ZCCHC14: variants seen among roughly 807,000 people sequenced by gnomAD.
ZCCHC14 encodes the protein zinc finger CCHC-type containing 14, also known as zinc finger CCHC domain-containing protein 14.
ZCCHC14 carries 16 observed loss-of-function variants against 85.0 expected under a neutral mutation model. The observed-to-expected ratio is 0.19, with a 90% CI of 0.13 to 0.29. ZCCHC14 has a LOEUF of 0.29. Among genes scored for constraint, ZCCHC14 ranks in the 10% least tolerant of loss-of-function variants. The pLI, the probability that ZCCHC14 is intolerant of heterozygous loss-of-function variation, is 1.00. For synonymous variants in ZCCHC14, 775 were observed against 630.7 expected (o/e 1.23, Z -3.43); for missense variants, 1,303 against 1,443.5 (o/e 0.90, Z 1.58).
chr16:87,419,018 G>A lies in ZCCHC14; in HGVS notation c.1046-117C>T. On this transcript the variant is annotated intron_variant, in intron 6 of 12. Transcript: ENST00000671377. ...GTTGCCCAGGCTGGAGAGCAATGGT[G>A]CGATCTCGGCTCACTGCAACCTCTG... 4.3e-6 allele frequency: 4 copies of A among 930,296 alleles called. No individual in the cohort carries two copies. The South Asian group carries it at 4.8e-5, about 11-fold the overall frequency. 57.6% of individuals were successfully genotyped at this position (930,296 alleles called of 1,614,324 possible).
rs1313974309 is a variant in ZCCHC14 at position 87,409,498 on chromosome 16, C to T, written c.*782G>A. The T allele has an allele frequency of 1.3e-5, 2 of 152,272 alleles. No individual in the cohort carries two copies. The highest frequency in any genetic ancestry group is 2.9e-5 in the Non-Finnish European group (2 of 68,054). The allele number at this position is 152,272 out of a possible 1,614,324, so 9.4% of individuals were successfully genotyped here. A position where few individuals can be genotyped will look rare whatever the true frequency, so the allele number is the denominator to read the frequency against. On this transcript the variant is annotated 3_prime_UTR_variant, in exon 13 of 13. Coordinates refer to ENST00000671377, the MANE Select transcript of ZCCHC14 (RefSeq NM_015144.3). ...CTCAAAGCTTTGACGACTATGGATT[C>T]TCTGGGACTTGGACCCTTAGAAATT...
intron 2 of ZCCHC14, among the ~76,000 whole-genome samples, chr16:87,446,423 A>G (rs61077281): frequency 6.6e-6 from 1 of 151,746 alleles, no homozygotes; most frequent in Non-Finnish European, 1.5e-5. Flanking sequence ...GGCAGAGGTT[A>G]CAGTGAGCTG....
intron 1 of ZCCHC14, among the ~76,000 whole-genome samples, chr16:87,476,967 AT>A (rs1912034233): frequency 6.6e-6 from 1 of 151,870 alleles, no homozygotes; most frequent in Admixed American, 6.6e-5. Context: ...TCTAATAAAA[AT>A]ACAAAAATTA....
At chr16:87,437,681 C>A (rs1909996744) in intron 2 of ZCCHC14, among the ~76,000 whole-genome samples, 2 of 152,266 alleles carry the variant, frequency 1.3e-5, no homozygotes, top group African/African-American at 4.8e-5. Context: ...AAATGTTTGT[C>A]TGTTCAAACC....
chr16:87,459,893 T>G lies in ZCCHC14; in HGVS notation c.694+115A>C. Reference sequence around the variant, plus strand: ...CTTATAGAATTTAGAAAAATACACATAAGATTGGCATTTATGAAAGATCTG... The same window carrying G: ...CTTATAGAATTTAGAAAAATACACAGAAGATTGGCATTTATGAAAGATCTG... On this transcript the variant is annotated intron_variant, in intron 2 of 12. Transcript: ENST00000671377. 5 of 1,476,918 alleles carry G rather than the reference T, an allele frequency of 3.4e-6. No individual in the cohort carries two copies. The South Asian group carries it at 3.9e-5, about 12-fold the overall frequency. The allele number at this position is 1,476,918 out of a possible 1,614,324, so 91.5% of individuals were successfully genotyped here.
intron 1 of ZCCHC14, among the ~76,000 whole-genome samples, chr16:87,482,744 C>G (rs1176732045): frequency 2.6e-5 from 4 of 152,128 alleles, no homozygotes; most frequent in Non-Finnish European, 5.9e-5. Flanking sequence ...AGAGCAGAGA[C>G]TATTTAACAG....
chr16:87,485,075 C>T (rs1912452250), intron 1 of ZCCHC14, among the ~76,000 whole-genome samples: 1 of 152,190 alleles, frequency 6.6e-6, no homozygotes, highest in South Asian at 2.1e-4. Context: ...GCAAAGCACC[C>T]GCCCCACTGG....
At chr16:87,417,320 C>T (rs1454299332) in intron 8 of ZCCHC14, 140 bp downstream of exon 8, 10 of 1,282,864 alleles carry the variant, frequency 7.8e-6, no homozygotes, top group African/African-American at 3.0e-5. Context: ...CAAAGCCCAC[C>T]GTCTCCCTTA....
At chr16:87,463,166 G>C (rs542024942) in intron 1 of ZCCHC14, among the ~76,000 whole-genome samples, 1 of 152,338 alleles carries the variant, frequency 6.6e-6, no homozygotes, top group Admixed American at 6.5e-5. Flanking sequence ...AGGATCACTT[G>C]AGGCCACGAG....
intron 10 of ZCCHC14, among the ~76,000 whole-genome samples, chr16:87,413,412 G>A (rs1197602323): frequency 6.6e-6 from 1 of 152,196 alleles, no homozygotes; most frequent in Non-Finnish European, 1.5e-5. Context: ...CCAGGGCCCT[G>A]CCGGCCCCCG....
At chr16:87,432,463 G>C (rs1909710398) in intron 3 of ZCCHC14, among the ~76,000 whole-genome samples, 1 of 152,136 alleles carries the variant, frequency 6.6e-6, no homozygotes, top group Non-Finnish European at 1.5e-5. Flanking sequence ...CTGGTGCCCT[G>C]GCTAGCACCT....
intron 3 of ZCCHC14, among the ~76,000 whole-genome samples, chr16:87,427,777 A>G (rs554692312): frequency 4.0e-5 from 6 of 150,580 alleles, no homozygotes; most frequent in Non-Finnish European, 7.4e-5. Context: ...AGCTGGGAAT[A>G]TAGGTGAGTG....
chr16:87,434,788 G>A (rs532225091), intron 2 of ZCCHC14, among the ~76,000 whole-genome samples: 43 of 152,208 alleles, frequency 2.8e-4, no homozygotes, highest in Non-Finnish European at 3.5e-4. Flanking sequence ...TCAGGAGTTC[G>A]AGAGCAGCCT....
chr16:87,470,459 G>C (rs189738551), intron 1 of ZCCHC14: 1 of 152,068 alleles, frequency 6.6e-6, no homozygotes, highest in African/African-American at 2.4e-5. Context: ...GGGTGGCCTC[G>C]TCCTCAGCTG....
Position 87,410,245 on chromosome 16 carries a change from A to G in ZCCHC14, c.*35T>C. 1.4e-6 allele frequency: 1 copy of G among 736,234 alleles called. No individual in the cohort carries two copies. Among genetic ancestry groups the G allele is most frequent in the Non-Finnish European group, 2.5e-6 (1 of 400,908 alleles). The allele number at this position is 736,234 out of a possible 1,614,324, so 45.6% of individuals were successfully genotyped here. A position where few individuals can be genotyped will look rare whatever the true frequency, so the allele number is the denominator to read the frequency against. On this transcript the variant is annotated 3_prime_UTR_variant, in exon 13 of 13. Transcript: ENST00000671377. Reference sequence around the variant, plus strand: ...TGTATTTAATTTTCCTTATGTCTCCATGGCTTAATAACGTTCTGTTGCCAG... The same window carrying G: ...TGTATTTAATTTTCCTTATGTCTCCGTGGCTTAATAACGTTCTGTTGCCAG...
At chr16:87,452,324 T>G (rs775492264) in intron 2 of ZCCHC14, among the ~76,000 whole-genome samples, 4 of 152,122 alleles carry the variant, frequency 2.6e-5, no homozygotes, top group Non-Finnish European at 4.4e-5. Flanking sequence ...AGCTCCATGC[T>G]GGGTGGGCGA....
chr16:87,423,038 T>C (rs1329673327), intron 4 of ZCCHC14, among the ~76,000 whole-genome samples: 2 of 152,234 alleles, frequency 1.3e-5, no homozygotes, highest in Non-Finnish European at 2.9e-5. Context: ...CTTGGCTTTA[T>C]AATGAAAAGT....
intron 2 of ZCCHC14, among the ~76,000 whole-genome samples, chr16:87,440,749 G>A (rs1312892087): frequency 6.6e-6 from 1 of 152,022 alleles, no homozygotes; most frequent in African/African-American, 2.4e-5. Flanking sequence ...TGGCTCTACA[G>A]GCATGCATCA....
chr16:87,460,292 CACCT>C (rs1381150019), intron 1 of ZCCHC14, among the ~76,000 whole-genome samples, 161 bp from the exon 2 acceptor site: 3 of 152,134 alleles, frequency 2.0e-5, no homozygotes, highest in Admixed American at 2.0e-4. Context: ...ATGAAAATTT[CACCT>C]ACTACTCTCC....
Sources: allele counts gnomAD v4.1 joint callset (sites outside exome capture counted in the v4.1 genomes callset), GRCh38; gene constraint gnomAD v4.1.1; transcripts MANE v1.5; gene names NCBI Gene and HGNC (gene_info 2026-07-23, HGNC 2026-07-21).